CDKAL1: variants seen among roughly 807,000 people sequenced by gnomAD.
CDKAL1 encodes threonylcarbamoyladenosine tRNA methylthiotransferase.
CDKAL1 carries 32 observed loss-of-function variants against 68.2 expected under a neutral mutation model. The observed-to-expected ratio is 0.47, with a 90% CI of 0.35 to 0.63. The LOEUF (loss-of-function observed/expected upper bound fraction) is 0.63, where lower values mean the gene tolerates loss of function less well. Among genes scored for constraint, CDKAL1 ranks in the 30% least tolerant of loss-of-function variants. The pLI is 0.00. For missense variants in CDKAL1, 606 were observed against 696.7 expected, an observed-to-expected ratio of 0.87 and a Z score of 1.47; for synonymous variants, 234 against 244.3, an observed-to-expected ratio of 0.96 and a Z score of 0.39.
intron 9 of CDKAL1, among the ~76,000 whole-genome samples, chr6:20,850,249 G>T (rs948144012): frequency 6.6e-6 from 1 of 151,970 alleles, no homozygotes; most frequent in African/African-American, 2.4e-5. Flanking sequence ...CTCTGTGGAT[G>T]GGAGTTAAAT....
intron 4 of CDKAL1, among the ~76,000 whole-genome samples, chr6:20,566,451 A>G (rs1480475182): frequency 6.6e-6 from 1 of 152,172 alleles, no homozygotes; most frequent in African/African-American, 2.4e-5. Context: ...CTCAGAATCA[A>G]TTTCTTTAAG....
Position 20,781,297 on chromosome 6 carries a change from T to C in CDKAL1, c.638+32T>C, listed in dbSNP as rs537202108. ...ATCTCTCAAACTTGCTCATAAAATATTCAATATATTTCATGAATTCAGTTT... is the reference window on the plus strand; with the variant it reads ...ATCTCTCAAACTTGCTCATAAAATACTCAATATATTTCATGAATTCAGTTT... On this transcript the variant is annotated intron_variant, in intron 8 of 15. Coordinates refer to ENST00000274695, the MANE Select transcript of CDKAL1 (RefSeq NM_017774.3). The C allele has an allele frequency of 2.0e-4, 309 of 1,549,694 alleles. 4 individuals are homozygous for C. The South Asian group carries it at 3.5e-3, about 17-fold the overall frequency.
chr6:21,202,476 C>T (rs1427967249), intron 15 of CDKAL1, among the ~76,000 whole-genome samples: 3 of 151,782 alleles, frequency 2.0e-5, no homozygotes, highest in Admixed American at 2.0e-4. Context: ...AATTATATTG[C>T]TAGAGATTTG....
At chr6:20,604,469 G>A (rs2127715794) in intron 4 of CDKAL1, among the ~76,000 whole-genome samples, 1 of 152,304 alleles carries the variant, frequency 6.6e-6, no homozygotes, top group South Asian at 2.1e-4. Flanking sequence ...AGCATATTCT[G>A]CATATGGATT....
At chr6:21,185,708 T>C (rs559588494) in intron 13 of CDKAL1, among the ~76,000 whole-genome samples, 2 of 152,034 alleles carry the variant, frequency 1.3e-5, no homozygotes, top group Non-Finnish European at 2.9e-5. Flanking sequence ...GAATTTCAAT[T>C]TGGCTTCATT....
At chr6:20,657,886 CCT>C (rs1290357809) in intron 5 of CDKAL1, among the ~76,000 whole-genome samples, 2 of 152,052 alleles carry the variant, frequency 1.3e-5, no homozygotes, top group African/African-American at 4.8e-5. Context: ...TAGGAAGCCC[CCT>C]GTGTTATGAT....
At chr6:20,711,371 G>T (rs984467569) in intron 5 of CDKAL1, among the ~76,000 whole-genome samples, 7 of 152,164 alleles carry the variant, frequency 4.6e-5, no homozygotes, top group Non-Finnish European at 8.8e-5. Context: ...GTAAATAAAA[G>T]ACTGAAGCAT....
intron 9 of CDKAL1, among the ~76,000 whole-genome samples, chr6:20,886,169 G>C (rs1761058800): frequency 6.6e-6 from 1 of 152,230 alleles, no homozygotes; most frequent in Non-Finnish European, 1.5e-5. Context: ...TTAGTCTTTA[G>C]TGTGATGCAA....
chr6:20,685,976 G>T (rs1038145019), intron 5 of CDKAL1, among the ~76,000 whole-genome samples: 15 of 151,826 alleles, frequency 9.9e-5, no homozygotes, highest in African/African-American at 3.6e-4. Context: ...TGGTATTGTT[G>T]TAAATTTCAA....
chr6:21,221,429 T>C (rs1011772287), intron 15 of CDKAL1, among the ~76,000 whole-genome samples: 83 of 152,226 alleles, frequency 5.5e-4, no homozygotes, highest in African/African-American at 1.9e-3. Flanking sequence ...GGTTTCGCCA[T>C]GTTGCCCAGG....
intron 11 of CDKAL1, among the ~76,000 whole-genome samples, chr6:21,061,864 A>G (rs905396657): frequency 1.3e-5 from 2 of 152,214 alleles, no homozygotes; most frequent in African/African-American, 4.8e-5. Flanking sequence ...TTGTATTCTT[A>G]TATACTTTGA....
At chr6:21,109,791 G>T (rs1208506253) in intron 13 of CDKAL1, among the ~76,000 whole-genome samples, 3 of 152,174 alleles carry the variant, frequency 2.0e-5, no homozygotes, top group Non-Finnish European at 4.4e-5. Flanking sequence ...GAACATAAGT[G>T]CAGCAGTGGC....
At chr6:20,878,212 A>G (rs1760627187) in intron 9 of CDKAL1, among the ~76,000 whole-genome samples, 1 of 152,214 alleles carries the variant, frequency 6.6e-6, no homozygotes, top group African/African-American at 2.4e-5. Context: ...TGTCTCATAC[A>G]TACAGATTCT....
At chr6:20,948,010 C>CT (rs541978769) in intron 9 of CDKAL1, among the ~76,000 whole-genome samples, 35,091 of 115,038 alleles carry the variant, frequency 0.31, 5,555 homozygotes, top group Middle Eastern at 0.41. Flanking sequence ...GTGAAGGTCA[C>CT]TTTTTTTTTT....
intron 8 of CDKAL1, among the ~76,000 whole-genome samples, chr6:20,843,949 G>T (rs1450824798): frequency 6.6e-6 from 1 of 152,138 alleles, no homozygotes; most frequent in Non-Finnish European, 1.5e-5. Context: ...GACAAGGCCT[G>T]CTGCATTGAC....
intron 5 of CDKAL1, among the ~76,000 whole-genome samples, chr6:20,695,628 C>A (rs1175755386): frequency 6.6e-6 from 1 of 152,102 alleles, no homozygotes; most frequent in Non-Finnish European, 1.5e-5. Flanking sequence ...CCTGCTACTT[C>A]CATCATTCTT....
At chr6:20,995,272 T>C (rs1032002184) in intron 10 of CDKAL1, among the ~76,000 whole-genome samples, 1 of 152,220 alleles carries the variant, frequency 6.6e-6, no homozygotes, top group African/African-American at 2.4e-5. Flanking sequence ...ATTGATATTT[T>C]GTTCTCCTCC....
chr6:20,768,231 CT>C (rs1343354354), intron 7 of CDKAL1, among the ~76,000 whole-genome samples: 1 of 152,124 alleles, frequency 6.6e-6, no homozygotes, highest in Non-Finnish European at 1.5e-5. Context: ...ACTAACAATG[CT>C]ATCTTTAACA....
chr6:20,691,667 A>G (rs1770875072), intron 5 of CDKAL1, among the ~76,000 whole-genome samples: 1 of 152,056 alleles, frequency 6.6e-6, no homozygotes, highest in African/African-American at 2.4e-5. Flanking sequence ...GAAGGTTTTC[A>G]GTTGTCAATG....
Sources: allele counts gnomAD v4.1 joint callset (sites outside exome capture counted in the v4.1 genomes callset), GRCh38; gene constraint gnomAD v4.1.1; transcripts MANE v1.5; gene names NCBI Gene and HGNC (gene_info 2026-07-23, HGNC 2026-07-21).